SYCP2: variants seen among roughly 807,000 people sequenced by gnomAD.
SYCP2 encodes the protein synaptonemal complex lateral element protein.
In SYCP2, 55 loss-of-function variants were observed where a neutral mutation model predicts 211.3. The observed-to-expected ratio is 0.26, with a 90% CI of 0.21 to 0.33. The LOEUF is 0.33. SYCP2 is among the 10% of genes least tolerant of loss of function. SYCP2 has a pLI of 1.00. For synonymous variants in SYCP2, 570 were observed against 555.2 expected, an observed-to-expected ratio of 1.03 and a Z score of -0.37; for missense variants, 1,731 against 1,752.0, an observed-to-expected ratio of 0.99 and a Z score of 0.21.
intron 22 of SYCP2, 95 bp from the exon 23 acceptor site, chr20:59,892,796 T>C: frequency 8.7e-7 from 1 of 1,153,006 alleles, no homozygotes; most frequent in Non-Finnish European, 1.2e-6. Flanking sequence ...CTGAAAGCGA[T>C]TACTTATGTG....
In SYCP2 at chr20:59,869,934, AT is replaced by A; in HGVS notation, c.3604del (p.Ile1202Ter). Reference protein sequence around the residue: ...KSNTIVNRKKISSLVLTQETQ... With the variant: ...KSNTIVNRKKXSSLVLTQETQ... ...TTCTTGTGTAAGTACCAGAGAACTT[AT>A]TTTTTTTCTATTTACAATAGTATTA... On this transcript the variant is annotated frameshift_variant, in exon 36 of 45. Coordinates refer to ENST00000357552, the MANE Select transcript of SYCP2 (RefSeq NM_014258.4). LOFTEE classifies it high-confidence loss of function. 8 of 1,604,532 alleles carry A rather than the reference AT, an allele frequency of 5.0e-6. No individual in the cohort carries two copies. The highest frequency in any genetic ancestry group is 6.0e-6 in the Non-Finnish European group (7 of 1,174,080).
intron 28 of SYCP2, 36 bp downstream of exon 28, chr20:59,881,909 T>C: frequency 3.3e-6 from 5 of 1,537,344 alleles, no homozygotes; most frequent in Non-Finnish European, 4.5e-6. Context: ...ATGTAACTTC[T>C]GAGTAAATAC....
intron 36 of SYCP2, among the ~76,000 whole-genome samples, 159 bp downstream of exon 36, chr20:59,869,639 A>G (rs563057154): frequency 1.4e-4 from 21 of 151,864 alleles, no homozygotes; most frequent in African/African-American, 5.1e-4. Flanking sequence ...ATATTTTTCT[A>G]TGATCAAGCC....
intron 31 of SYCP2, among the ~76,000 whole-genome samples, chr20:59,880,088 T>G (rs2059646862): frequency 6.6e-6 from 1 of 151,078 alleles, no homozygotes; most frequent in Non-Finnish European, 1.5e-5. Context: ...AGGATAATGA[T>G]AAGTCATAAT....
chr20:59,866,586 G>T lies in SYCP2; in HGVS notation c.4129C>A (p.Arg1377=). 1 of 1,585,008 alleles carries T rather than the reference G, an allele frequency of 6.3e-7. No homozygotes were observed. The change falls in exon 40 of 45, where the codon CGA becomes AGA. Residue 1377 remains arginine, a synonymous_variant. Coordinates refer to ENST00000357552, the MANE Select transcript of SYCP2 (RefSeq NM_014258.4). ...NSEFKRRNNI[R]HKMLSYFTTQ... ...GTAAAATAACTCAACATTTTATGTC[G>T]GATCTGAAAAATACTCATTTTTAAG...
chr20:59,873,694 A>G (rs1423568665), intron 35 of SYCP2, among the ~76,000 whole-genome samples, 162 bp downstream of exon 35: 3 of 152,046 alleles, frequency 2.0e-5, no homozygotes, highest in Non-Finnish European at 4.4e-5. Flanking sequence ...CAAGACTGGC[A>G]AGTATCTCTC....
chr20:59,886,780 G>T lies in SYCP2; in HGVS notation c.2419C>A (p.Gln807Lys). ...TTTGTTTTGTATCTTTTATTGATTT[G>T]GCTTATCAAGGATTCTGCTACATTG... is the stretch of plus-strand genomic sequence containing the variant. The part of the protein sequence containing the change: ...FTNVAESLIS[Q>K]INKRYKTKDD... Residue 807 changes from glutamine to lysine, a missense_variant, in exon 25 of 45, where the codon CAA (glutamine) becomes AAA (lysine). Gln to Lys is a moderately conservative substitution (Grantham distance 53). Transcript: ENST00000357552. 2 of 1,586,786 alleles carry T rather than the reference G, an allele frequency of 1.3e-6. No homozygotes were observed. The highest frequency in any genetic ancestry group is 1.2e-5 in the South Asian group (1 of 86,300).
At chr20:59,898,808 G>C (rs1049660690) in intron 18 of SYCP2, among the ~76,000 whole-genome samples, 2 of 152,132 alleles carry the variant, frequency 1.3e-5, no homozygotes, top group Non-Finnish European at 2.9e-5. Flanking sequence ...GTATGCTTTA[G>C]ATGGGTAAAG....
intron 28 of SYCP2, 38 bp downstream of exon 28, chr20:59,881,907 T>A (rs1329560647): frequency 6.5e-7 from 1 of 1,531,788 alleles, no homozygotes; most frequent in Non-Finnish European, 9.0e-7. Flanking sequence ...CAATGTAACT[T>A]CTGAGTAAAT....
intron 20 of SYCP2, among the ~76,000 whole-genome samples, chr20:59,893,836 G>C (rs1269594382): frequency 6.6e-6 from 1 of 152,002 alleles, no homozygotes; most frequent in African/African-American, 2.4e-5. Flanking sequence ...CACATCCATA[G>C]CTAGCATAAT....
Position 59,915,547 on chromosome 20 carries a change from T to C in SYCP2, c.517A>G (p.Ile173Val), listed in dbSNP as rs138389605. The C allele has an allele frequency of 1.5e-5, 24 of 1,593,176 alleles. No individual in the cohort carries two copies. The African/African-American group carries it at 3.1e-4, about 20-fold the overall frequency. The change falls in exon 9 of 45, where the codon ATA becomes GTA. Residue 173 changes from isoleucine (I) to valine (V), a missense_variant. Transcript: ENST00000357552. ...TCAAGCATAGCATTCATTTTTTTTA[T>C]AATCTAGAAAAGAAAAAAAGATAAT... ...RVNICIQQEI[I>V]KKMNAMLDKM...
At chr20:59,926,876 T>C (rs1030155335) in intron 2 of SYCP2, among the ~76,000 whole-genome samples, 1 of 152,118 alleles carries the variant, frequency 6.6e-6, no homozygotes, top group African/African-American at 2.4e-5. Context: ...ATTATAGAAA[T>C]TTTCCTCAAA....
intron 13 of SYCP2, 193 bp from the exon 14 acceptor site, chr20:59,912,038 T>C (rs1246431085): frequency 2.4e-6 from 1 of 423,368 alleles, no homozygotes; most frequent in East Asian, 3.7e-5. Context: ...TTATAAAAAA[T>C]CAACTAGCTC....
chr20:59,927,820 C>T (rs1017254710), intron 2 of SYCP2, among the ~76,000 whole-genome samples: 1 of 152,078 alleles, frequency 6.6e-6, no homozygotes, highest in Non-Finnish European at 1.5e-5. Context: ...CAGGCTCACC[C>T]TTTTGTTTAC....
At chr20:59,864,455 T>C (rs1405489795) in intron 44 of SYCP2, 67 bp from the exon 45 acceptor site, 1 of 1,069,408 alleles carries the variant, frequency 9.4e-7, no homozygotes, top group East Asian at 2.6e-5. Flanking sequence ...CCAAATAAAA[T>C]AGAAAAAAAA....
At chr20:59,874,404 C>A (rs2059514363) in intron 34 of SYCP2, among the ~76,000 whole-genome samples, 1 of 152,018 alleles carries the variant, frequency 6.6e-6, no homozygotes, top group Non-Finnish European at 1.5e-5. Flanking sequence ...ATACACATCA[C>A]AAAATTTTAT....
At chr20:59,881,587 T>A (rs1358845277) in intron 28 of SYCP2, 95 bp from the exon 29 acceptor site, 4 of 620,952 alleles carry the variant, frequency 6.4e-6, no homozygotes, top group Non-Finnish European at 1.1e-5. Context: ...CTTCACAAAA[T>A]CATAAGATTT....
chr20:59,880,276 A>G (rs1201041775), intron 31 of SYCP2, 27 bp downstream of exon 31: 6 of 1,529,518 alleles, frequency 3.9e-6, no homozygotes, highest in Non-Finnish European at 4.4e-6. Context: ...ATCATTTGCA[A>G]CATTTATCCA....
At chr20:59,892,768 T>C in intron 22 of SYCP2, 67 bp from the exon 23 acceptor site, 1 of 1,463,740 alleles carries the variant, frequency 6.8e-7, no homozygotes, top group Non-Finnish European at 9.2e-7. Context: ...CCTTGATTTT[T>C]AATGTAGTCA....
Sources: gnomAD v4.1 joint callset for allele counts (sites outside exome capture counted in the v4.1 genomes callset) on GRCh38, gnomAD v4.1.1 for gene constraint, MANE v1.5 for transcripts, NCBI Gene and HGNC (gene_info 2026-07-23, HGNC 2026-07-21) for gene names.